Variants in MAP3K20 observed in about 807,000 individuals in gnomAD.
MAP3K20 encodes the protein mitogen-activated protein kinase kinase kinase 20.
A neutral mutation model predicts 85.7 loss-of-function variants in MAP3K20; 40 were observed. That is an observed-to-expected ratio of 0.47 (90% CI 0.36 to 0.61). MAP3K20 has a LOEUF of 0.61. MAP3K20 is among the 20% of genes least tolerant of loss of function. The probability of loss-of-function intolerance (pLI) is 0.00; values close to 1 mark genes in which losing one functional copy is unlikely to be tolerated. For synonymous variants in MAP3K20, 325 were observed against 327.7 expected, an observed-to-expected ratio of 0.99 and a Z score of 0.09; for missense variants, 817 against 961.7, an observed-to-expected ratio of 0.85 and a Z score of 1.99.
intron 5 of MAP3K20, 145 bp downstream of exon 5, chr2:173,187,768 T>A: frequency 1.7e-6 from 1 of 575,648 alleles, no homozygotes. Context: ...CTACTGTCAA[T>A]AAATAACAAA....
intron 17 of MAP3K20, among the ~76,000 whole-genome samples, chr2:173,260,237 G>A (rs1385271928): frequency 1.3e-5 from 2 of 152,062 alleles, no homozygotes; most frequent in African/African-American, 2.4e-5. Context: ...GTGTGGTGGC[G>A]TGCTCCTGTA....
chr2:173,238,701 G>T (rs1000998042), intron 15 of MAP3K20, among the ~76,000 whole-genome samples: 1 of 152,134 alleles, frequency 6.6e-6, no homozygotes. Context: ...CAACATTATC[G>T]GTGAGGTCCT....
intron 16 of MAP3K20, among the ~76,000 whole-genome samples, chr2:173,258,352 G>A (rs750884084): frequency 1.3e-5 from 2 of 152,110 alleles, no homozygotes; most frequent in Non-Finnish European, 2.9e-5. Context: ...TGTTTAATAT[G>A]TAAATTAAAT....
At position 173,209,736 on chromosome 2, in the gene MAP3K20, C is replaced by G. The variant is rs1376835331; in HGVS notation, c.752C>G (p.Pro251Arg). ...QCWEADAKKRPSFKQIISILE... is the reference protein window; with the variant it reads ...QCWEADAKKRRSFKQIISILE... Reference sequence around the variant, plus strand: ...TTATTTTCTCTTCTTCAGAAACGGCCATCATTCAAGCAAATCATTTCAATC... The same window carrying G: ...TTATTTTCTCTTCTTCAGAAACGGCGATCATTCAAGCAAATCATTTCAATC... The change falls in exon 10 of 20, where the codon CCA becomes CGA. Residue 251 changes from proline (P) to arginine (R), a missense_variant. Physicochemically the swap from Pro to Arg is moderately radical, Grantham distance 103. Transcript: ENST00000375213. 30 of 1,604,658 alleles carry G rather than the reference C, an allele frequency of 1.9e-5. No individual in the cohort carries two copies. The Admixed American group carries it at 4.3e-4, about 23-fold the overall frequency.
chr2:173,162,687 CAAAA>C (rs10708654), intron 2 of MAP3K20, among the ~76,000 whole-genome samples: 3 of 108,664 alleles, frequency 2.8e-5, no homozygotes, highest in Admixed American at 9.9e-5. Flanking sequence ...ACTCCGTCTC[CAAAA>C]AAAAAAAAAA....
chr2:173,196,231 G>C lies in MAP3K20; in HGVS notation c.583-1795G>C, dbSNP rs192069815. 3.3e-3 allele frequency among the ~76,000 whole-genome samples: 495 copies of C among 152,180 alleles called. 7 individuals carry two copies. The highest frequency in any genetic ancestry group is 0.011 in the African/African-American group (462 of 41,528). ...ACATCCATTAATTTACTTGCCCTTCGTATCTTTTCCCCTCCCCAGCCCTAG... is the reference window on the plus strand; with the variant it reads ...ACATCCATTAATTTACTTGCCCTTCCTATCTTTTCCCCTCCCCAGCCCTAG... On this transcript the variant is annotated intron_variant, in intron 7 of 19. Transcript: ENST00000375213.
chr2:173,227,216 A>G (rs1477565138), intron 11 of MAP3K20: 1 of 870,022 alleles, frequency 1.1e-6, no homozygotes, highest in East Asian at 1.2e-4. Context: ...CTTTGAAGGA[A>G]TCGTTGTCAC....
chr2:173,134,412 ATATATATATATATATAT>A (rs1221095578), intron 2 of MAP3K20, among the ~76,000 whole-genome samples: 6 of 5,654 alleles, frequency 1.1e-3, no homozygotes, highest in Non-Finnish European at 2.4e-3. Context: ...ATATATATAT[ATATATATATATATATAT>A]TTTTTTTTTT....
intron 16 of MAP3K20, among the ~76,000 whole-genome samples, chr2:173,247,770 G>A (rs1684953595): frequency 6.6e-6 from 1 of 152,134 alleles, no homozygotes; most frequent in African/African-American, 2.4e-5. Context: ...AAATGTTTAT[G>A]GCATAGGTTG....
intron 19 of MAP3K20, 29 bp downstream of exon 19, chr2:173,263,924 T>C: frequency 6.3e-7 from 1 of 1,578,158 alleles, no homozygotes; most frequent in Non-Finnish European, 8.6e-7. Flanking sequence ...ATTAGATGTG[T>C]GCTAGATTCC....
chr2:173,256,076 G>T (rs926815873), intron 16 of MAP3K20, among the ~76,000 whole-genome samples: 2 of 152,240 alleles, frequency 1.3e-5, no homozygotes, highest in African/African-American at 2.4e-5. Flanking sequence ...TCTTGTGAAT[G>T]TGGCTGGCCA....
In MAP3K20 at chr2:173,217,168, G is replaced by C. The variant is rs1010237929; in HGVS notation, c.905G>C (p.Ser302Thr). Residue 302 changes from serine (S) to threonine (T), a missense_variant, in exon 11 of 20, where the codon AGC becomes ACC. Physicochemically the swap from Ser to Thr is moderately conservative, Grantham distance 58 (BLOSUM62 1). Coordinates refer to ENST00000375213, the MANE Select transcript of MAP3K20 (RefSeq NM_016653.3). ...ERLKKLERDLSFKEQELKERE... is the reference protein window; with the variant it reads ...ERLKKLERDLTFKEQELKERE... ...CTAAAGAAACTAGAGCGTGATCTCAGCTTTAAGGAGCAGGAGCTTAAAGAA... is the reference window on the plus strand; with the variant it reads ...CTAAAGAAACTAGAGCGTGATCTCACCTTTAAGGAGCAGGAGCTTAAAGAA... 3 of 1,607,288 alleles carry C rather than the reference G, an allele frequency of 1.9e-6. No individual in the cohort carries two copies. In the Admixed American group the frequency reaches 5.1e-5, roughly 27 times the overall value.
At chr2:173,222,023 TA>T in intron 11 of MAP3K20, 4 of 977,216 alleles carry the variant, frequency 4.1e-6, no homozygotes, top group Non-Finnish European at 4.9e-6. Context: ...AGCAACCTAG[TA>T]AGACCTCGTC....
chr2:173,238,975 G>A (rs1053928095), intron 15 of MAP3K20, among the ~76,000 whole-genome samples: 14 of 152,134 alleles, frequency 9.2e-5, no homozygotes, highest in Non-Finnish European at 1.9e-4. Flanking sequence ...TCAAAGACTC[G>A]TTTTGTTCCT....
intron 16 of MAP3K20, among the ~76,000 whole-genome samples, chr2:173,245,064 G>A (rs1172177386): frequency 6.6e-6 from 1 of 152,134 alleles, no homozygotes; most frequent in African/African-American, 2.4e-5. Flanking sequence ...AATAAGGTAT[G>A]ACAGTGACTT....
intron 2 of MAP3K20, among the ~76,000 whole-genome samples, chr2:173,147,613 AG>A (rs1216027508): frequency 1.3e-5 from 2 of 152,094 alleles, no homozygotes; most frequent in African/African-American, 2.4e-5. Context: ...TTTGAGACGG[AG>A]TCTCACTCTG....
At chr2:173,176,397 T>C (rs987756724) in intron 3 of MAP3K20, among the ~76,000 whole-genome samples, 1 of 152,034 alleles carries the variant, frequency 6.6e-6, no homozygotes, top group African/African-American at 2.4e-5. Flanking sequence ...TATTAATATA[T>C]CACAACAATA....
chr2:173,076,027 G>T, intron 1 of MAP3K20, 25 bp downstream of exon 1: 1 of 983,956 alleles, frequency 1.0e-6, no homozygotes, highest in Middle Eastern at 5.2e-4. Context: ...GGAGCCCGCG[G>T]AGGGCGGGGA....
intron 8 of MAP3K20, 49 bp from the exon 9 acceptor site, chr2:173,203,747 T>C: frequency 7.2e-7 from 1 of 1,397,924 alleles, no homozygotes; most frequent in Non-Finnish European, 1.0e-6. Flanking sequence ...CTGACATTAA[T>C]GAATAAATCC....
Sources: allele counts gnomAD v4.1 joint callset (sites outside exome capture counted in the v4.1 genomes callset), GRCh38; gene constraint gnomAD v4.1.1; transcripts MANE v1.5; gene names NCBI Gene and HGNC (gene_info 2026-07-23, HGNC 2026-07-21).